Variants in TACR3 observed in about 807,000 individuals in gnomAD.
TACR3 encodes the protein neuromedin-K receptor.
Under a neutral mutation model 35.0 loss-of-function variants are expected in TACR3, and 34 were observed. That is an observed-to-expected ratio of 0.97 (90% CI 0.74 to 1.30). TACR3 has a LOEUF of 1.30. Among genes scored for constraint, TACR3 ranks in the 50% most tolerant of loss-of-function variants. The pLI is 0.00. For synonymous variants in TACR3, 233 were observed against 221.1 expected (o/e 1.05, Z -0.48); for missense variants, 558 against 591.7 (o/e 0.94, Z 0.59).
intron 1 of TACR3, among the ~76,000 whole-genome samples, chr4:103,680,484 T>C (rs991202): frequency 0.13 from 14,181 of 105,706 alleles, 1,053 homozygotes; most frequent in African/African-American, 0.39. Context: ...TATATATATA[T>C]ATACATACAT....
At chr4:103,641,387 C>T (rs1264881408) in intron 3 of TACR3, among the ~76,000 whole-genome samples, 2 of 151,882 alleles carry the variant, frequency 1.3e-5, no homozygotes, top group East Asian at 3.9e-4. Flanking sequence ...TTCAACAGTA[C>T]TAATCATGAG....
chr4:103,586,212 C>CATATAT lies in TACR3; in HGVS notation c.*3464_*3469dup, dbSNP rs374252132. ...TTACTTCTTATATAAACAGATTTTT[C>CATATAT]ATATATATATATATATGTATGAAAA... On this transcript the variant is annotated 3_prime_UTR_variant, in exon 5 of 5. Coordinates refer to ENST00000304883, the MANE Select transcript of TACR3 (RefSeq NM_001059.3). The CATATAT allele has an allele frequency of 0.014, 2,098 of 148,832 alleles. 48 individuals are homozygous for CATATAT. Among genetic ancestry groups the CATATAT allele is most frequent in the African/African-American group, 0.05 (2,023 of 40,718 alleles). The allele number at this position is 148,832 out of a possible 1,614,324, so 9.2% of individuals were successfully genotyped here. A position where few individuals can be genotyped will look rare whatever the true frequency, so the allele number is the denominator to read the frequency against.
chr4:103,653,797 A>G (rs576159121), intron 3 of TACR3, among the ~76,000 whole-genome samples: 2 of 152,218 alleles, frequency 1.3e-5, no homozygotes, highest in East Asian at 3.9e-4. Context: ...CAACCTACTC[A>G]TCTGACAAAG....
intron 3 of TACR3, among the ~76,000 whole-genome samples, chr4:103,630,159 C>T (rs1725025991): frequency 6.6e-6 from 1 of 152,156 alleles, no homozygotes; most frequent in South Asian, 2.1e-4. Context: ...AAACTGGATC[C>T]CTTCCTTACA....
intron 3 of TACR3, among the ~76,000 whole-genome samples, chr4:103,652,838 C>T (rs1315178484): frequency 6.6e-6 from 1 of 151,768 alleles, no homozygotes; most frequent in Non-Finnish European, 1.5e-5. Context: ...ATGGTCCATC[C>T]AGGGTAGAAC....
At chr4:103,688,112 A>G (rs1722298243) in intron 1 of TACR3, among the ~76,000 whole-genome samples, 1 of 152,202 alleles carries the variant, frequency 6.6e-6, no homozygotes, top group Non-Finnish European at 1.5e-5. Flanking sequence ...CAAATATCTG[A>G]TCTTTGACAA....
chr4:103,611,021 T>C (rs1355092678), intron 3 of TACR3, among the ~76,000 whole-genome samples: 1 of 152,130 alleles, frequency 6.6e-6, no homozygotes, highest in Non-Finnish European at 1.5e-5. Context: ...CTTTCACTAT[T>C]TTTGTTTTTA....
At chr4:103,667,091 C>T (rs1000156342) in intron 1 of TACR3, among the ~76,000 whole-genome samples, 1 of 152,090 alleles carries the variant, frequency 6.6e-6, no homozygotes, top group African/African-American at 2.4e-5. Flanking sequence ...AACCCCTTCT[C>T]TACTAAAAAT....
At chr4:103,613,760 C>T (rs879890229) in intron 3 of TACR3, among the ~76,000 whole-genome samples, 8 of 152,174 alleles carry the variant, frequency 5.3e-5, no homozygotes. Context: ...AGTCTAAGAT[C>T]AGGGTGCCAG....
intron 3 of TACR3, among the ~76,000 whole-genome samples, chr4:103,652,270 G>A (rs553511721): frequency 6.4e-4 from 97 of 152,270 alleles, no homozygotes; most frequent in African/African-American, 2.1e-3. Context: ...CTTCTGACCC[G>A]TGGGATGGGT....
intron 1 of TACR3, among the ~76,000 whole-genome samples, chr4:103,679,814 G>T (rs1448814757): frequency 6.6e-6 from 1 of 151,788 alleles, no homozygotes; most frequent in Non-Finnish European, 1.5e-5. Flanking sequence ...TCCATTGGCA[G>T]ATAAATAAAA....
At chr4:103,609,315 C>T (rs568231353) in intron 3 of TACR3, among the ~76,000 whole-genome samples, 1 of 152,086 alleles carries the variant, frequency 6.6e-6, no homozygotes, top group Admixed American at 6.6e-5. Context: ...TTTATTTACA[C>T]CCTAAAGCAA....
chr4:103,597,603 C>G (rs868385934), intron 3 of TACR3, among the ~76,000 whole-genome samples: 4 of 151,858 alleles, frequency 2.6e-5, no homozygotes, highest in Non-Finnish European at 4.4e-5. Context: ...ATCCCTCCCC[C>G]GTCCCCCCAC....
intron 1 of TACR3, among the ~76,000 whole-genome samples, chr4:103,684,247 T>A (rs1578256360): frequency 3.3e-5 from 5 of 152,120 alleles, no homozygotes; most frequent in African/African-American, 1.2e-4. Flanking sequence ...TGGATAGGCA[T>A]ACAGATTCAA....
At chr4:103,680,954 TAA>T (rs900150199) in intron 1 of TACR3, among the ~76,000 whole-genome samples, 8 of 151,934 alleles carry the variant, frequency 5.3e-5, no homozygotes, top group African/African-American at 1.9e-4. Flanking sequence ...TTATTTCTGT[TAA>T]GTTATTTTTT....
intron 1 of TACR3, among the ~76,000 whole-genome samples, chr4:103,709,325 G>A (rs905879282): frequency 6.6e-6 from 1 of 152,170 alleles, no homozygotes; most frequent in Non-Finnish European, 1.5e-5. Context: ...AAACTCTACA[G>A]GCCAGAAGAG....
intron 1 of TACR3, among the ~76,000 whole-genome samples, chr4:103,700,253 A>C (rs901825965): frequency 2.0e-5 from 3 of 152,178 alleles, no homozygotes; most frequent in Non-Finnish European, 4.4e-5. Flanking sequence ...AGTTGGGAAG[A>C]AATGTGCACA....
intron 1 of TACR3, among the ~76,000 whole-genome samples, chr4:103,690,014 T>C (rs1348124960): frequency 6.6e-6 from 1 of 152,132 alleles, no homozygotes; most frequent in East Asian, 1.9e-4. Flanking sequence ...AACAGATGGC[T>C]TTTCATTGAA....
At chr4:103,678,333 C>T (rs1726217363) in intron 1 of TACR3, among the ~76,000 whole-genome samples, 1 of 151,986 alleles carries the variant, frequency 6.6e-6, no homozygotes, top group African/African-American at 2.4e-5. Context: ...TGGTGGCCAA[C>T]AAGCATGAGG....
Sources: allele counts gnomAD v4.1 joint callset (sites outside exome capture counted in the v4.1 genomes callset), GRCh38; gene constraint gnomAD v4.1.1; transcripts MANE v1.5; gene names NCBI Gene and HGNC (gene_info 2026-07-23, HGNC 2026-07-21).